LOXHD1: variants seen among roughly 807,000 people sequenced by gnomAD.
LOXHD1 encodes the protein lipoxygenase homology PLAT domains 1.
In LOXHD1, 205 loss-of-function variants were observed where a neutral mutation model predicts 248.2. The ratio of observed to expected loss-of-function variants is 0.83; its 90% CI spans 0.74 to 0.93. The LOEUF (loss-of-function observed/expected upper bound fraction) is 0.93, where lower values mean the gene tolerates loss of function less well. LOXHD1 is among the 40% of genes least tolerant of loss of function. The pLI, the probability that LOXHD1 is intolerant of heterozygous loss-of-function variation, is 0.00. For missense variants in LOXHD1, 2,930 were observed against 2,971.6 expected, an observed-to-expected ratio of 0.99 and a Z score of 0.33; for synonymous variants, 1,113 against 1,162.8, an observed-to-expected ratio of 0.96 and a Z score of 0.87.
intron 15 of LOXHD1, 140 bp from the exon 16 acceptor site, chr18:46,569,778 G>T (rs1053548725): frequency 1.5e-6 from 1 of 661,884 alleles, no homozygotes; most frequent in Non-Finnish European, 2.5e-6. Flanking sequence ...CCAGGCTCCT[G>T]TTCTAAGCAG....
At chr18:46,522,039 A>C in intron 32 of LOXHD1, 62 bp downstream of exon 32, 16 of 1,061,996 alleles carry the variant, frequency 1.5e-5, no homozygotes, top group Non-Finnish European at 1.7e-5. Flanking sequence ...CCCACCCAGG[A>C]ACTGGTCAGC....
intron 5 of LOXHD1, among the ~76,000 whole-genome samples, chr18:46,617,795 C>A (rs915045058): frequency 3.9e-5 from 6 of 152,068 alleles, no homozygotes; most frequent in Admixed American, 3.9e-4. Flanking sequence ...CTGTTCTGCC[C>A]CAAACTACTG....
intron 34 of LOXHD1, among the ~76,000 whole-genome samples, chr18:46,514,586 C>T (rs2144032112): frequency 6.6e-6 from 1 of 152,294 alleles, no homozygotes; most frequent in Admixed American, 6.5e-5. Flanking sequence ...CCAAGTATTT[C>T]CTGATCCTTT....
rs76496635 is a variant in LOXHD1, at chr18:46,536,835, C to G, written c.4095+1321G>C. 4.7e-4 allele frequency among the ~76,000 whole-genome samples: 72 copies of G among 152,296 alleles called. No individual in the cohort carries two copies. The East Asian group carries it at 0.013, about 27-fold the overall frequency. On this transcript the variant is annotated intron_variant, in intron 26 of 40. Coordinates refer to ENST00000642948, the MANE Select transcript of LOXHD1 (RefSeq NM_001384474.1). ...GACTGGCCCAGGAAGAAGGAAGGTGCCCTGGGCTTTGTTTCCTATCAGAAA... is the reference window on the plus strand; with the variant it reads ...GACTGGCCCAGGAAGAAGGAAGGTGGCCTGGGCTTTGTTTCCTATCAGAAA...
intron 37 of LOXHD1, among the ~76,000 whole-genome samples, chr18:46,495,721 A>G (rs1437573942): frequency 6.6e-6 from 1 of 152,240 alleles, no homozygotes; most frequent in Non-Finnish European, 1.5e-5. Context: ...TACATATTAC[A>G]TAGTATTGGG....
intron 38 of LOXHD1, among the ~76,000 whole-genome samples, chr18:46,485,459 A>C (rs2032977224): frequency 6.6e-6 from 1 of 152,042 alleles, no homozygotes; most frequent in South Asian, 2.1e-4. Flanking sequence ...TGCAAAATGG[A>C]GATTGGTGCT....
At chr18:46,600,208 T>A (rs1224641133) in intron 8 of LOXHD1, among the ~76,000 whole-genome samples, 3 of 152,200 alleles carry the variant, frequency 2.0e-5, no homozygotes, top group Non-Finnish European at 4.4e-5. Flanking sequence ...AAATTGTAAC[T>A]CATTCATACA....
Position 46,642,382 on chromosome 18 carries a change from G to A in LOXHD1, c.246-346C>T, listed in dbSNP as rs538968498. Among the ~76,000 whole-genome samples the A allele has an allele frequency of 2.0e-5, 3 of 152,326 alleles. No homozygotes were observed. The South Asian group carries it at 6.2e-4, about 32-fold the overall frequency. On this transcript the variant is annotated intron_variant, in intron 2 of 40. Transcript: ENST00000642948. ...AGTCATGACCCCATGCCCTTTGGCT[G>A]CTCTGGGTTGGGTGGATGGAGGAGG...
rs767213320 is a variant in LOXHD1, at chr18:46,538,138, C to A, written c.4095+18G>T. On this transcript the variant is annotated intron_variant, in intron 26 of 40. Coordinates refer to ENST00000642948, the MANE Select transcript of LOXHD1 (RefSeq NM_001384474.1). ...TCTGACCTACTCCATCCCTGGACAGCCTGCTGAGCCCAAGTACCTCTACGA... is the reference window on the plus strand; with the variant it reads ...TCTGACCTACTCCATCCCTGGACAGACTGCTGAGCCCAAGTACCTCTACGA... 6.6e-7 allele frequency: 1 copy of A among 1,522,578 alleles called. No homozygotes were observed. The highest frequency in any genetic ancestry group is 1.2e-5 in the South Asian group (1 of 82,324). The allele number at this position is 1,522,578 out of a possible 1,614,324, so 94.3% of individuals were successfully genotyped here.
At chr18:46,545,632 T>C (rs2036775935) in intron 22 of LOXHD1, among the ~76,000 whole-genome samples, 2 of 56,464 alleles carry the variant, frequency 3.5e-5, no homozygotes, top group African/African-American at 4.6e-5. Context: ...CATTTCTTTT[T>C]TTTTTTTTTT....
intron 40 of LOXHD1, among the ~76,000 whole-genome samples, chr18:46,480,859 TA>T (rs1449546245): frequency 6.6e-6 from 1 of 152,216 alleles, no homozygotes; most frequent in African/African-American, 2.4e-5. Flanking sequence ...TACGTTTCTG[TA>T]TTTGAATTTT....
chr18:46,556,629 C>A, intron 21 of LOXHD1: 1 of 164,882 alleles, frequency 6.1e-6, no homozygotes, highest in Non-Finnish European at 1.3e-5. Flanking sequence ...TCACAACCAG[C>A]CCACCCTCAT....
chr18:46,646,512 C>T (rs1754601834), intron 2 of LOXHD1, among the ~76,000 whole-genome samples: 1 of 152,298 alleles, frequency 6.6e-6, no homozygotes, highest in Admixed American at 6.5e-5. Context: ...GCTCACTGTG[C>T]TCAGATGATC....
Position 46,485,139 on chromosome 18 carries a change from A to C in LOXHD1, c.6062T>G (p.Val2021Gly), listed in dbSNP as rs1441192734. ...TTCGCCTCCGTTGCCCGTTTCTATG[A>C]CGATCTCGTAGGCTGTAATGGAGGA... ...DELEETTYEI[V>G]IETGNGGETR... Residue 2021 changes from valine (V) to glycine (G), a missense_variant, in exon 39 of 41, where the codon GTC becomes GGC. Transcript: ENST00000642948. 3.2e-6 allele frequency: 5 copies of C among 1,548,650 alleles called. No homozygotes were observed. Among genetic ancestry groups the C allele is most frequent in the African/African-American group, 1.4e-5 (1 of 71,856 alleles).
intron 38 of LOXHD1, among the ~76,000 whole-genome samples, chr18:46,487,140 T>C (rs945679566): frequency 2.0e-5 from 3 of 152,076 alleles, no homozygotes; most frequent in Non-Finnish European, 2.9e-5. Context: ...AGGCTCTCAG[T>C]AGTCACGCAA....
At chr18:46,593,456 C>T (rs2038208306) in intron 10 of LOXHD1, 144 bp downstream of exon 10, 1 of 842,490 alleles carries the variant, frequency 1.2e-6, no homozygotes, top group Non-Finnish European at 1.8e-6. Context: ...ATTTGTCTCC[C>T]TTTGCAGGGA....
At chr18:46,573,339 G>A (rs755121353) in intron 14 of LOXHD1, among the ~76,000 whole-genome samples, 76 of 152,172 alleles carry the variant, frequency 5.0e-4, no homozygotes, top group Non-Finnish European at 9.6e-4. Flanking sequence ...CACTGGGCAC[G>A]GAGACTCAGC....
downstream of LOXHD1, chr18:46,477,200 C>A (rs727504587): frequency 1.4e-6 from 1 of 722,310 alleles, no homozygotes; most frequent in East Asian, 2.7e-5. Flanking sequence ...CACTCTGCAG[C>A]AAGTCCCAGC....
At chr18:46,575,042 C>T (rs1388717179) in intron 14 of LOXHD1, among the ~76,000 whole-genome samples, 1 of 152,200 alleles carries the variant, frequency 6.6e-6, no homozygotes, top group African/African-American at 2.4e-5. Flanking sequence ...TAAATTCTAG[C>T]TCTATGCTCT....
Sources: allele counts gnomAD v4.1 joint callset (sites outside exome capture counted in the v4.1 genomes callset), GRCh38; gene constraint gnomAD v4.1.1; transcripts MANE v1.5; gene names NCBI Gene and HGNC (gene_info 2026-07-23, HGNC 2026-07-21).